TRDN: variants seen among roughly 807,000 people sequenced by gnomAD.
TRDN encodes the protein triadin in skeletal muscle.
TRDN carries 161 observed loss-of-function variants against 149.7 expected under a neutral mutation model. The observed-to-expected ratio is 1.08, with a 90% CI of 0.95 to 1.23. The LOEUF is 1.23. Ranked by LOEUF, TRDN falls within the 50% of genes most tolerant of loss-of-function variation. The pLI, the probability that TRDN is intolerant of heterozygous loss-of-function variation, is 0.00. For missense variants in TRDN, 896 were observed against 823.5 expected, an observed-to-expected ratio of 1.09 and a Z score of -1.08; for synonymous variants, 294 against 250.5, an observed-to-expected ratio of 1.17 and a Z score of -1.64.
chr6:123,284,016 C>A (rs1323596056), intron 24 of TRDN, among the ~76,000 whole-genome samples: 1 of 33,584 alleles, frequency 3.0e-5, no homozygotes, highest in East Asian at 1.3e-3. Flanking sequence ...AACAAACCTG[C>A]ACATTGTGCA....
At position 123,355,745 on chromosome 6, in the gene TRDN, T is replaced by C. The variant is rs779233486; in HGVS notation, c.1322-3159A>G. Among the ~76,000 whole-genome samples, 4 of 151,914 alleles carry C rather than the reference T, an allele frequency of 2.6e-5. No individual in the cohort carries two copies. The East Asian group carries it at 5.8e-4, about 22-fold the overall frequency. Reference sequence around the variant, plus strand: ...GATATCTTTACAAAATCAAGTCATCTGATTGGTGAACATAAAATATCCCTC... The same window carrying C: ...GATATCTTTACAAAATCAAGTCATCCGATTGGTGAACATAAAATATCCCTC... On this transcript the variant is annotated intron_variant, in intron 20 of 40. Transcript: ENST00000334268.
intron 1 of TRDN, among the ~76,000 whole-genome samples, chr6:123,583,157 C>T (rs1783220379): frequency 6.6e-6 from 1 of 152,078 alleles, no homozygotes; most frequent in African/African-American, 2.4e-5. Flanking sequence ...TTAAGAGTGG[C>T]AGTTTGGGGA....
intron 26 of TRDN, among the ~76,000 whole-genome samples, chr6:123,275,824 T>C (rs1777349844): frequency 6.6e-6 from 1 of 152,174 alleles, no homozygotes; most frequent in South Asian, 2.1e-4. Context: ...TTTTAAATGA[T>C]ACATTTGTGA....
intron 23 of TRDN, among the ~76,000 whole-genome samples, chr6:123,325,395 G>A (rs1286386304): frequency 6.6e-6 from 1 of 152,004 alleles, no homozygotes; most frequent in Non-Finnish European, 1.5e-5. Flanking sequence ...TACTAATGTT[G>A]ATTACTAAAC....
rs187070551 is a variant in TRDN, at chr6:123,404,737, G to A, written c.1052-11060C>T. On this transcript the variant is annotated intron_variant, in intron 12 of 40. Coordinates refer to ENST00000334268, the MANE Select transcript of TRDN (RefSeq NM_006073.4). ...TGGGATTACAGGCGTGAGCCACTGCGCCTCCCATGGACTGTTCTTTAGTTC... is the reference window on the plus strand; with the variant it reads ...TGGGATTACAGGCGTGAGCCACTGCACCTCCCATGGACTGTTCTTTAGTTC... 8.5e-4 allele frequency among the ~76,000 whole-genome samples: 129 copies of A among 152,294 alleles called. 1 individual carries two copies. Among genetic ancestry groups the A allele is most frequent in the South Asian group, 5.8e-3 (28 of 4,826 alleles).
chr6:123,413,274 A>C (rs1773516580), intron 12 of TRDN, among the ~76,000 whole-genome samples: 2 of 152,194 alleles, frequency 1.3e-5, no homozygotes, highest in Admixed American at 1.3e-4. Context: ...TCTCAGTCTG[A>C]ATCTTGGACT....
chr6:123,557,391 C>G (rs1781729895), intron 2 of TRDN, among the ~76,000 whole-genome samples: 1 of 152,118 alleles, frequency 6.6e-6, no homozygotes, highest in Non-Finnish European at 1.5e-5. Flanking sequence ...CCAAGGAACA[C>G]CTCACCAATT....
chr6:123,635,067 C>A (rs139541172), intron 1 of TRDN, among the ~76,000 whole-genome samples: 2 of 151,902 alleles, frequency 1.3e-5, no homozygotes, highest in Non-Finnish European at 2.9e-5. Flanking sequence ...GTTTAGTCAA[C>A]TGACCTCCTG....
At position 123,560,884 on chromosome 6, in the gene TRDN, G is replaced by A. The variant is rs572848605; in HGVS notation, c.232+10039C>T. 9.5e-4 allele frequency among the ~76,000 whole-genome samples: 144 copies of A among 152,080 alleles called. 1 individual carries two copies. Among genetic ancestry groups the A allele is most frequent in the Non-Finnish European group, 1.4e-3 (96 of 68,008 alleles). ...TAGAACCTCTCATTTCCTTTCCATC[G>A]TGGAAATCTATCCTCAAGGAAATAA... On this transcript the variant is annotated intron_variant, in intron 2 of 40. Transcript: ENST00000334268.
At chr6:123,223,672 TCTTCCTTCCTTC>T (rs59071931) in intron 39 of TRDN, among the ~76,000 whole-genome samples, 2,596 of 105,748 alleles carry the variant, frequency 0.025, 80 homozygotes, top group African/African-American at 0.073. Flanking sequence ...GCCTTCCATT[TCTTCCTTCCTTC>T]CTTCCTTCCT....
intron 2 of TRDN, among the ~76,000 whole-genome samples, chr6:123,551,684 T>C (rs1251949179): frequency 6.6e-6 from 1 of 152,108 alleles, no homozygotes; most frequent in Admixed American, 6.6e-5. Flanking sequence ...TATTATTTTA[T>C]ACCTTTTTTA....
intron 4 of TRDN, among the ~76,000 whole-genome samples, chr6:123,538,395 T>C (rs796118035): frequency 1.2e-4 from 19 of 152,316 alleles, no homozygotes; most frequent in African/African-American, 4.6e-4. Context: ...GAATTATTAA[T>C]ATTTTAGATA....
intron 1 of TRDN, among the ~76,000 whole-genome samples, chr6:123,586,901 G>A (rs1174309501): frequency 2.0e-5 from 3 of 151,936 alleles, no homozygotes; most frequent in Non-Finnish European, 4.4e-5. Context: ...GGATTGGGGT[G>A]CAGAGATATA....
At chr6:123,264,440 C>A (rs183432605) in intron 33 of TRDN, among the ~76,000 whole-genome samples, 1 of 151,938 alleles carries the variant, frequency 6.6e-6, no homozygotes, top group Non-Finnish European at 1.5e-5. Context: ...CTTGAACAGA[C>A]GAGGAGTTAT....
chr6:123,457,752 T>TA (rs980852599), intron 10 of TRDN, among the ~76,000 whole-genome samples: 6 of 152,130 alleles, frequency 3.9e-5, no homozygotes, highest in African/African-American at 1.4e-4. Flanking sequence ...GTTAAAAAAA[T>TA]AAAAAACAAG....
chr6:123,511,917 A>G (rs1291399445), intron 7 of TRDN, among the ~76,000 whole-genome samples: 1 of 151,896 alleles, frequency 6.6e-6, no homozygotes, highest in East Asian at 1.9e-4. Flanking sequence ...AAGACTCATG[A>G]TATTACATTG....
chr6:123,551,342 T>TATATACACACACACAC (rs1554256527), intron 2 of TRDN, among the ~76,000 whole-genome samples: 4 of 141,102 alleles, frequency 2.8e-5, no homozygotes, highest in African/African-American at 1.1e-4. Flanking sequence ...AAAACCTAAA[T>TATATACACACACACAC]ACACACACAC....
chr6:123,551,350 C>T lies in TRDN; in HGVS notation c.233-2738G>A, dbSNP rs1201439372. 9.9e-3 allele frequency among the ~76,000 whole-genome samples: 1,479 copies of T among 149,240 alleles called. 41 individuals carry two copies. The highest frequency in any genetic ancestry group is 0.033 in the African/African-American group (1,341 of 40,440). ...TTCTTCCAAAACCTAAATACACACA[C>T]ACACACACACACACACACACACACA... On this transcript the variant is annotated intron_variant, in intron 2 of 40. Transcript: ENST00000334268.
chr6:123,322,624 T>A (rs1051635518), intron 23 of TRDN, among the ~76,000 whole-genome samples: 1 of 103,356 alleles, frequency 9.7e-6, no homozygotes, highest in Non-Finnish European at 2.0e-5. Context: ...TTATTATTAT[T>A]ATTATTATTA....
Sources: allele counts gnomAD v4.1 joint callset (sites outside exome capture counted in the v4.1 genomes callset), GRCh38; gene constraint gnomAD v4.1.1; transcripts MANE v1.5; gene names NCBI Gene and HGNC (gene_info 2026-07-23, HGNC 2026-07-21).